IL1RAPL2: variants seen among roughly 807,000 people sequenced by gnomAD.
IL1RAPL2 encodes X-linked interleukin-1 receptor accessory protein-like 2.
IL1RAPL2 carries 3 observed loss-of-function variants against 44.1 expected under a neutral mutation model. The ratio of observed to expected loss-of-function variants is 0.07; its 90% CI spans 0.03 to 0.18. The LOEUF (loss-of-function observed/expected upper bound fraction) is 0.18. Among genes scored for constraint, IL1RAPL2 ranks in the 10% least tolerant of loss-of-function variants. The pLI, the probability that IL1RAPL2 is intolerant of heterozygous loss-of-function variation, is 1.00. For synonymous variants in IL1RAPL2, 181 were observed against 178.8 expected (o/e 1.01, Z -0.10); for missense variants, 391 against 496.4 (o/e 0.79, Z 2.02).
intron 7 of IL1RAPL2, among the ~76,000 whole-genome samples, chrX:105,732,532 G>A (rs2038415042): frequency 9.0e-6 from 1 of 110,955 alleles, no homozygotes; most frequent in South Asian, 3.8e-4. Context: ...TTCCCTGTGA[G>A]TAAAAGCTGC....
chrX:105,649,840 T>A (rs114374079), intron 6 of IL1RAPL2, among the ~76,000 whole-genome samples: 1 of 111,788 alleles, frequency 8.9e-6, no homozygotes, highest in African/African-American at 3.3e-5. Context: ...ACAGGAAATA[T>A]ACCGCACTTA....
chrX:105,053,783 A>T (rs757769111), intron 2 of IL1RAPL2, among the ~76,000 whole-genome samples: 1 of 111,998 alleles, frequency 8.9e-6, no homozygotes, highest in Non-Finnish European at 1.9e-5. Context: ...TTTAAATAAA[A>T]CCAAAACACT....
chrX:105,428,170 A>C (rs1362393488), intron 5 of IL1RAPL2, among the ~76,000 whole-genome samples: 1 of 111,737 alleles, frequency 8.9e-6, no homozygotes, highest in Non-Finnish European at 1.9e-5. Context: ...CACCAAATAA[A>C]TTGAACTATC....
chrX:105,592,786 G>C (rs2037182020), intron 6 of IL1RAPL2, among the ~76,000 whole-genome samples: 1 of 111,950 alleles, frequency 8.9e-6, no homozygotes, highest in Non-Finnish European at 1.9e-5. Context: ...TAGGGTTTGT[G>C]CTGAAAGTTC....
chrX:105,147,710 A>G (rs2033191512), intron 2 of IL1RAPL2, among the ~76,000 whole-genome samples: 1 of 111,902 alleles, frequency 8.9e-6, no homozygotes. Flanking sequence ...GTATATGCAT[A>G]TTTATATCAT....
chrX:105,227,430 G>A (rs782176680), intron 3 of IL1RAPL2, among the ~76,000 whole-genome samples: 46 of 111,207 alleles, frequency 4.1e-4, no homozygotes, highest in African/African-American at 1.5e-3. Context: ...CAAAAATCCC[G>A]GAGCTCTTTA....
In IL1RAPL2 at chrX:105,755,165, T is replaced by C. The variant is rs1165536653; in HGVS notation, c.1193-12T>C. Reference sequence around the variant, plus strand: ...AATAGTTACAACCCTTTTGTTGTTCTTTATGTTTAAGACAACAAGGAATAT... The same window carrying C: ...AATAGTTACAACCCTTTTGTTGTTCCTTATGTTTAAGACAACAAGGAATAT... On this transcript the variant is annotated splice_polypyrimidine_tract_variant and intron_variant, in intron 9 of 10. Transcript: ENST00000372582. The C allele has an allele frequency of 2.6e-6, 3 of 1,166,128 alleles. No homozygotes were observed. Among genetic ancestry groups the C allele is most frequent in the East Asian group, 6.0e-5 (2 of 33,446 alleles).
At chrX:105,645,050 C>A (rs1468773788) in intron 6 of IL1RAPL2, among the ~76,000 whole-genome samples, 1 of 111,649 alleles carries the variant, frequency 9.0e-6, no homozygotes, top group Non-Finnish European at 1.9e-5. Context: ...CTATTGTGAA[C>A]AGTGCCTCAA....
At chrX:105,251,207 T>C (rs144199410) in intron 4 of IL1RAPL2, among the ~76,000 whole-genome samples, 1,256 of 110,403 alleles carry the variant, frequency 0.011, 13 homozygotes, top group African/African-American at 0.04. Context: ...TATCTTGTTA[T>C]ACATTCTGAC....
chrX:105,740,453 CCTGTGTGAG>C, intron 7 of IL1RAPL2, 84 bp from the exon 8 acceptor site: 2 of 886,934 alleles, frequency 2.3e-6, no homozygotes, highest in Non-Finnish European at 3.2e-6. Flanking sequence ...TCATCAGAGA[CCTGTGTGAG>C]CTGTGTGACC....
chrX:105,500,026 G>A (rs1361944615), intron 6 of IL1RAPL2, among the ~76,000 whole-genome samples: 7 of 111,647 alleles, frequency 6.3e-5, no homozygotes, highest in African/African-American at 1.6e-4. Flanking sequence ...TGTCCTATGC[G>A]ACAACATGAA....
Position 105,492,311 on chromosome X carries a change from C to A in IL1RAPL2, c.772+7924C>A, listed in dbSNP as rs906868357. On this transcript the variant is annotated intron_variant, in intron 6 of 10. Transcript: ENST00000372582. Reference sequence around the variant, plus strand: ...GGATTTCAACAAGATCTGTTTCACTCCGAAGTTTTTTCTTTTTATTATAGC... The same window carrying A: ...GGATTTCAACAAGATCTGTTTCACTACGAAGTTTTTTCTTTTTATTATAGC... Among the ~76,000 whole-genome samples the A allele has an allele frequency of 2.3e-4, 25 of 110,564 alleles. No homozygotes were observed. In the East Asian group the frequency reaches 2.3e-3, roughly 10 times the overall value.
intron 6 of IL1RAPL2, among the ~76,000 whole-genome samples, chrX:105,504,725 C>T (rs1456502552): frequency 9.0e-6 from 1 of 111,426 alleles, no homozygotes; most frequent in Admixed American, 9.5e-5. Context: ...AAATAGCTGA[C>T]ATGTATCTAT....
At chrX:104,677,957 G>A (rs1038189368) in intron 2 of IL1RAPL2, among the ~76,000 whole-genome samples, 5 of 112,193 alleles carry the variant, frequency 4.5e-5, no homozygotes, top group African/African-American at 1.3e-4. Flanking sequence ...GCTTCGGCTC[G>A]CGCATGGTGC....
chrX:105,363,289 A>AATATATATATATATATAATAT (rs2035262842), intron 5 of IL1RAPL2, among the ~76,000 whole-genome samples: 3 of 76,208 alleles, frequency 3.9e-5, no homozygotes, highest in Admixed American at 1.4e-4. Context: ...ATATATATAT[A>AATATATATATATATATAATAT]ATATATATAT....
At chrX:104,889,122 C>T (rs1923343752) in intron 2 of IL1RAPL2, among the ~76,000 whole-genome samples, 1 of 110,600 alleles carries the variant, frequency 9.0e-6, no homozygotes, top group African/African-American at 3.3e-5. Context: ...GTCCGCTTCT[C>T]AGGGCCCCCA....
At chrX:104,634,612 C>T (rs911827813) in intron 1 of IL1RAPL2, among the ~76,000 whole-genome samples, 6 of 111,637 alleles carry the variant, frequency 5.4e-5, no homozygotes, top group Non-Finnish European at 1.1e-4. Flanking sequence ...CCTTCTTTGT[C>T]TCTTTTGATC....
intron 5 of IL1RAPL2, among the ~76,000 whole-genome samples, chrX:105,392,918 C>T (rs1372326126): frequency 1.8e-5 from 2 of 112,178 alleles, no homozygotes; most frequent in East Asian, 2.8e-4. Flanking sequence ...CTCTTTAAGT[C>T]TATGATTCTT....
At chrX:105,518,691 A>G (rs1316993348) in intron 6 of IL1RAPL2, among the ~76,000 whole-genome samples, 2 of 112,039 alleles carry the variant, frequency 1.8e-5, no homozygotes, top group African/African-American at 6.5e-5. Context: ...TAGAAATCAT[A>G]GTCATAGAAC....
Sources: gnomAD v4.1 joint callset for allele counts (sites outside exome capture counted in the v4.1 genomes callset) on GRCh38, gnomAD v4.1.1 for gene constraint, MANE v1.5 for transcripts, NCBI Gene and HGNC (gene_info 2026-07-23, HGNC 2026-07-21) for gene names.